CSMD1: variants seen among roughly 807,000 people sequenced by gnomAD.
The protein encoded by CSMD1 is CUB and sushi domain-containing protein 1.
Under a neutral mutation model 417.5 loss-of-function variants are expected in CSMD1, and 213 were observed. The ratio of observed to expected loss-of-function variants is 0.51; its 90% confidence interval spans 0.46 to 0.57. CSMD1 has a LOEUF of 0.57. Among genes scored for constraint, CSMD1 ranks in the 20% least tolerant of loss-of-function variants. The pLI, the probability that CSMD1 is intolerant of heterozygous loss-of-function variation, is 0.00. For synonymous variants in CSMD1, 2,862 were observed against 1,736.8 expected, an observed-to-expected ratio of 1.65 and a Z score of -16.11; for missense variants, 6,923 against 4,529.7, an observed-to-expected ratio of 1.53 and a Z score of -15.17.
chr8:3,388,495 G>C (rs1043546077), intron 17 of CSMD1, among the ~76,000 whole-genome samples: 5 of 152,176 alleles, frequency 3.3e-5, no homozygotes, highest in African/African-American at 7.2e-5. Flanking sequence ...GTAAACATCA[G>C]AACATTAGAA....
chr8:3,394,614 C>G (rs1164016674), intron 17 of CSMD1, among the ~76,000 whole-genome samples: 1 of 82,312 alleles, frequency 1.2e-5, no homozygotes, highest in Non-Finnish European at 2.3e-5. Context: ...TCAAGAAATT[C>G]TGGTGTAGAA....
intron 3 of CSMD1, among the ~76,000 whole-genome samples, chr8:4,392,811 T>C (rs1403157430): frequency 6.6e-6 from 1 of 151,376 alleles, no homozygotes; most frequent in Non-Finnish European, 1.5e-5. Context: ...CTAGTAAAAA[T>C]ACAAATATTA....
At chr8:3,947,692 C>G (rs1563242145) in intron 5 of CSMD1, among the ~76,000 whole-genome samples, 1 of 152,100 alleles carries the variant, frequency 6.6e-6, no homozygotes, top group Non-Finnish European at 1.5e-5. Flanking sequence ...AACATAGTAT[C>G]AAACATTTTT....
intron 41 of CSMD1, among the ~76,000 whole-genome samples, chr8:3,125,394 C>T (rs1162362467): frequency 6.6e-6 from 1 of 152,178 alleles, no homozygotes; most frequent in Admixed American, 6.5e-5. Flanking sequence ...GCTCTGTACC[C>T]ATCATAAAAG....
At chr8:2,957,656 A>G in intron 63 of CSMD1, 40 bp downstream of exon 63, 1 of 1,248,524 alleles carries the variant, frequency 8.0e-7, no homozygotes, top group Non-Finnish European at 1.2e-6. Flanking sequence ...TTCACAATAA[A>G]TAGGTGACTT....
intron 3 of CSMD1, among the ~76,000 whole-genome samples, chr8:4,279,853 T>C (rs776292944): frequency 6.6e-6 from 1 of 152,102 alleles, no homozygotes; most frequent in Non-Finnish European, 1.5e-5. Context: ...CAGCTCACTG[T>C]CAGTAAAAAT....
chr8:3,825,135 G>A (rs1801979335), intron 5 of CSMD1, among the ~76,000 whole-genome samples: 1 of 152,140 alleles, frequency 6.6e-6, no homozygotes, highest in South Asian at 2.1e-4. Context: ...AGGAAGCACA[G>A]GGGAGATTTC....
intron 23 of CSMD1, among the ~76,000 whole-genome samples, chr8:3,309,431 T>A (rs185741148): frequency 3.5e-5 from 5 of 141,920 alleles, no homozygotes; most frequent in Non-Finnish European, 1.6e-5. Context: ...CAGAAATGAA[T>A]CATTATAATG....
At chr8:3,799,742 A>G (rs1048882225) in intron 5 of CSMD1, among the ~76,000 whole-genome samples, 2 of 151,978 alleles carry the variant, frequency 1.3e-5, no homozygotes, top group Non-Finnish European at 2.9e-5. Flanking sequence ...TTTTATAATA[A>G]GCTGTACAAA....
intron 4 of CSMD1, among the ~76,000 whole-genome samples, chr8:4,026,892 C>A (rs1202493564): frequency 6.6e-6 from 1 of 152,026 alleles, no homozygotes; most frequent in Non-Finnish European, 1.5e-5. Context: ...GTGTAGTATG[C>A]TGCTGAGCGA....
At chr8:3,055,552 AT>A (rs1281291638) in intron 49 of CSMD1, among the ~76,000 whole-genome samples, 1 of 152,132 alleles carries the variant, frequency 6.6e-6, no homozygotes, top group Non-Finnish European at 1.5e-5. Flanking sequence ...TATTCCCAAA[AT>A]TTTGCATGAT....
chr8:4,796,779 T>A (rs1798003995), intron 1 of CSMD1, among the ~76,000 whole-genome samples: 1 of 152,210 alleles, frequency 6.6e-6, no homozygotes, highest in Non-Finnish European at 1.5e-5. Flanking sequence ...CTTCCCCTTT[T>A]GCAATCACGG....
At chr8:4,180,431 GT>G (rs1348978527) in intron 3 of CSMD1, among the ~76,000 whole-genome samples, 7 of 122,626 alleles carry the variant, frequency 5.7e-5, no homozygotes, top group African/African-American at 1.9e-4. Flanking sequence ...CTGCTGTGGG[GT>G]GGGGGGAGGG....
At chr8:4,304,974 G>C (rs1173744293) in intron 3 of CSMD1, among the ~76,000 whole-genome samples, 1 of 152,070 alleles carries the variant, frequency 6.6e-6, no homozygotes, top group Non-Finnish European at 1.5e-5. Flanking sequence ...CTAACGTCTG[G>C]ATGGTAATGC....
chr8:4,261,832 T>C (rs542614901), intron 3 of CSMD1, among the ~76,000 whole-genome samples: 1 of 152,294 alleles, frequency 6.6e-6, no homozygotes, highest in South Asian at 2.1e-4. Context: ...ATACCTTATA[T>C]GTATAAAGAT....
intron 50 of CSMD1, among the ~76,000 whole-genome samples, chr8:3,050,465 T>C (rs1811747602): frequency 6.6e-6 from 1 of 152,218 alleles, no homozygotes; most frequent in Admixed American, 6.5e-5. Context: ...ACATTGTCCA[T>C]AAATGTCTGG....
chr8:3,224,554 A>G (rs1350253655), intron 27 of CSMD1, among the ~76,000 whole-genome samples: 1 of 152,216 alleles, frequency 6.6e-6, no homozygotes, highest in Non-Finnish European at 1.5e-5. Flanking sequence ...AGCTCTAAGT[A>G]TACATATCAG....
At chr8:3,555,617 T>G in intron 10 of CSMD1, among the ~76,000 whole-genome samples, 1 of 152,202 alleles carries the variant, frequency 6.6e-6, no homozygotes, top group Non-Finnish European at 1.5e-5. Context: ...ACAAACTTAT[T>G]TTACATATAA....
chr8:3,990,224 T>A (rs1016307798), intron 5 of CSMD1, among the ~76,000 whole-genome samples: 3 of 152,230 alleles, frequency 2.0e-5, no homozygotes, highest in African/African-American at 7.2e-5. Flanking sequence ...ATTTCATAGT[T>A]GATGAAATAC....
Sources: gnomAD v4.1 joint callset for allele counts (sites outside exome capture counted in the v4.1 genomes callset) on GRCh38, gnomAD v4.1.1 for gene constraint, MANE v1.5 for transcripts, NCBI Gene and HGNC (gene_info 2026-07-23, HGNC 2026-07-21) for gene names.